The following RALYL variants were observed in gnomAD, a reference collection of about 807,000 sequenced individuals.
RALYL encodes RALY RNA binding protein like, also known as RNA-binding Raly-like protein.
Under a neutral mutation model 35.1 loss-of-function variants are expected in RALYL, and 29 were observed. The observed-to-expected ratio is 0.83, with a 90% CI of 0.61 to 1.13. The LOEUF (loss-of-function observed/expected upper bound fraction) is 1.13. Ranked by LOEUF, RALYL falls within the 50% of genes most tolerant of loss-of-function variation. The pLI is 0.00. For synonymous variants in RALYL, 120 were observed against 127.6 expected (o/e 0.94, Z 0.40); for missense variants, 359 against 360.4 (o/e 1.00, Z 0.03).
intron 1 of RALYL, among the ~76,000 whole-genome samples, chr8:84,336,473 G>A (rs540493087): frequency 6.6e-6 from 1 of 152,080 alleles, no homozygotes; most frequent in Non-Finnish European, 1.5e-5. Flanking sequence ...TTATTGGAAG[G>A]ATAGCTATTA....
intron 8 of RALYL, among the ~76,000 whole-genome samples, chr8:84,911,251 T>C (rs1847464482): frequency 6.6e-6 from 1 of 152,116 alleles, no homozygotes; most frequent in Non-Finnish European, 1.5e-5. Flanking sequence ...GACTAGAATA[T>C]GCTTTTGAAA....
chr8:84,418,303 A>C (rs956612927), intron 1 of RALYL, among the ~76,000 whole-genome samples: 1 of 152,180 alleles, frequency 6.6e-6, no homozygotes, highest in Admixed American at 6.6e-5. Flanking sequence ...GGAAGTTATT[A>C]TAAAGCCTTC....
intron 1 of RALYL, among the ~76,000 whole-genome samples, chr8:84,390,149 G>C (rs1469682408): frequency 6.6e-6 from 1 of 152,090 alleles, no homozygotes; most frequent in Non-Finnish European, 1.5e-5. Flanking sequence ...TACATTTATT[G>C]ATTTGCATAT....
chr8:84,879,572 G>C (rs371713415), intron 7 of RALYL, among the ~76,000 whole-genome samples: 7 of 152,080 alleles, frequency 4.6e-5, no homozygotes, highest in Admixed American at 1.3e-4. Context: ...AAAACTGATC[G>C]AGAAGTAGCA....
chr8:84,505,539 A>G (rs2057094772), intron 1 of RALYL, among the ~76,000 whole-genome samples: 1 of 152,104 alleles, frequency 6.6e-6, no homozygotes, highest in Non-Finnish European at 1.5e-5. Context: ...AATAATGTGA[A>G]CATTTTATAT....
At chr8:84,707,317 T>G (rs897290379) in intron 2 of RALYL, among the ~76,000 whole-genome samples, 49 of 152,198 alleles carry the variant, frequency 3.2e-4, no homozygotes, top group African/African-American at 1.2e-3. Context: ...TACACATATA[T>G]TGCTGATTAA....
intron 1 of RALYL, among the ~76,000 whole-genome samples, chr8:84,376,833 A>G (rs1857003655): frequency 6.6e-6 from 1 of 151,852 alleles, no homozygotes; most frequent in Admixed American, 6.6e-5. Context: ...GCAGTTCCAC[A>G]TCATTCACTC....
At chr8:84,381,879 G>GT (rs1858065402) in intron 1 of RALYL, among the ~76,000 whole-genome samples, 1 of 151,152 alleles carries the variant, frequency 6.6e-6, no homozygotes, top group Non-Finnish European at 1.5e-5. Flanking sequence ...ATTTTTCCTT[G>GT]TTGTTCCTTT....
At chr8:84,453,880 C>A (rs900999920) in intron 1 of RALYL, among the ~76,000 whole-genome samples, 3 of 151,898 alleles carry the variant, frequency 2.0e-5, no homozygotes, top group Non-Finnish European at 2.9e-5. Context: ...CAAAATGTTG[C>A]CTACCATTTT....
intron 1 of RALYL, among the ~76,000 whole-genome samples, chr8:84,306,242 C>T (rs1239977910): frequency 1.3e-5 from 2 of 151,952 alleles, no homozygotes; most frequent in East Asian, 3.9e-4. Context: ...TCTCAGGTAC[C>T]TATGACTATA....
chr8:84,333,948 C>T (rs1257760245), intron 1 of RALYL, among the ~76,000 whole-genome samples: 3 of 152,088 alleles, frequency 2.0e-5, no homozygotes, highest in Non-Finnish European at 2.9e-5. Context: ...GGCAGTGGGG[C>T]GATCTCTGTT....
At chr8:84,306,177 C>G (rs112117349) in intron 1 of RALYL, among the ~76,000 whole-genome samples, 6,933 of 148,814 alleles carry the variant, frequency 0.047, 257 homozygotes, top group African/African-American at 0.084. Flanking sequence ...AAAAAAAAAA[C>G]GAAAACCCCA....
chr8:84,468,491 T>C (rs1404235221), intron 1 of RALYL, among the ~76,000 whole-genome samples: 5 of 149,494 alleles, frequency 3.3e-5, no homozygotes, highest in South Asian at 2.3e-4. Context: ...TTCTGGCTTG[T>C]AGGGTTTCTG....
intron 1 of RALYL, among the ~76,000 whole-genome samples, chr8:84,318,038 C>T (rs1038240112): frequency 1.1e-4 from 17 of 152,060 alleles, no homozygotes; most frequent in Admixed American, 6.6e-4. Context: ...TTGTAGACAA[C>T]GAAAATAGCC....
chr8:84,194,973 G>C (rs1814859597), intron 1 of RALYL, among the ~76,000 whole-genome samples: 1 of 151,890 alleles, frequency 6.6e-6, no homozygotes, highest in South Asian at 2.1e-4. Context: ...TACTTTGATT[G>C]GTACAGCAAT....
At chr8:84,185,239 A>T (rs1812204645) in intron 1 of RALYL, 2 of 573,006 alleles carry the variant, frequency 3.5e-6, no homozygotes, top group Non-Finnish European at 3.1e-6. Context: ...CTAAGGTATT[A>T]AAAAAATGCC....
At chr8:84,684,413 G>A (rs760821686) in intron 2 of RALYL, among the ~76,000 whole-genome samples, 3 of 152,256 alleles carry the variant, frequency 2.0e-5, no homozygotes, top group Non-Finnish European at 4.4e-5. Context: ...GCAATGATAA[G>A]GAGACTCAGT....
intron 2 of RALYL, among the ~76,000 whole-genome samples, chr8:84,580,373 G>T (rs1810537153): frequency 6.6e-6 from 1 of 152,186 alleles, no homozygotes; most frequent in Non-Finnish European, 1.5e-5. Flanking sequence ...GGAGGGTGCT[G>T]ACATATGCTC....
intron 1 of RALYL, among the ~76,000 whole-genome samples, chr8:84,302,128 A>G (rs1012383784): frequency 4.6e-5 from 7 of 152,198 alleles, no homozygotes; most frequent in Non-Finnish European, 7.3e-5. Flanking sequence ...TACAACTGAG[A>G]CATATAAGGG....
Sources: gnomAD v4.1 joint callset for allele counts (sites outside exome capture counted in the v4.1 genomes callset) on GRCh38, gnomAD v4.1.1 for gene constraint, MANE v1.5 for transcripts, NCBI Gene and HGNC (gene_info 2026-07-23, HGNC 2026-07-21) for gene names.